The following PPP3CA variants were observed in gnomAD, a reference collection of about 807,000 sequenced individuals.
PPP3CA encodes the protein protein phosphatase 3 catalytic subunit alpha, also known as CAM-PRP catalytic subunit.
A neutral mutation model predicts 66.5 loss-of-function variants in PPP3CA; 14 were observed. The observed-to-expected ratio is 0.21, with a 90% CI of 0.14 to 0.33. PPP3CA has a LOEUF of 0.33. PPP3CA is among the 10% of genes least tolerant of loss of function. The probability of loss-of-function intolerance (pLI) is 1.00; values close to 1 mark genes in which losing one functional copy is unlikely to be tolerated. For missense variants in PPP3CA, 317 were observed against 639.5 expected (o/e 0.50, Z 5.44); for synonymous variants, 232 against 226.2 (o/e 1.03, Z -0.23).
chr4:101,316,183 A>T (rs1024942340), intron 1 of PPP3CA, among the ~76,000 whole-genome samples: 2 of 151,698 alleles, frequency 1.3e-5, no homozygotes, highest in Non-Finnish European at 2.9e-5. Flanking sequence ...TTGAGCTAAA[A>T]ATCAGAGTTG....
chr4:101,080,514 G>C lies in PPP3CA; in HGVS notation c.955+18C>G, dbSNP rs370681817. 2 of 1,293,398 alleles carry C rather than the reference G, an allele frequency of 1.5e-6. No individual in the cohort carries two copies. Among genetic ancestry groups the C allele is most frequent in the Non-Finnish European group, 2.1e-6 (2 of 941,134 alleles). The allele number at this position is 1,293,398 out of a possible 1,614,324, so 80.1% of individuals were successfully genotyped here. ...CACATATTATGTAAGACTGCAAGAG[G>C]TATTTAAAAACACTTACCTTTGTTA... On this transcript the variant is annotated intron_variant, in intron 8 of 13. Transcript: ENST00000394854.
At chr4:101,336,528 G>A (rs560023612) in intron 1 of PPP3CA, among the ~76,000 whole-genome samples, 6 of 147,460 alleles carry the variant, frequency 4.1e-5, no homozygotes, top group East Asian at 2.1e-4. Flanking sequence ...AGCCAAGATC[G>A]TGCCACTGCA....
chr4:101,122,518 C>T (rs985704012), intron 2 of PPP3CA, among the ~76,000 whole-genome samples: 1 of 152,076 alleles, frequency 6.6e-6, no homozygotes, highest in Non-Finnish European at 1.5e-5. Flanking sequence ...GTAATTCTTA[C>T]AGGAAATCAG....
chr4:101,112,953 A>T (rs565262685), intron 2 of PPP3CA, among the ~76,000 whole-genome samples: 2 of 152,078 alleles, frequency 1.3e-5, no homozygotes, highest in Non-Finnish European at 2.9e-5. Context: ...GGATTATTCT[A>T]TTGGGCCTAC....
chr4:101,303,486 A>G (rs918032711), intron 1 of PPP3CA, among the ~76,000 whole-genome samples: 2 of 152,194 alleles, frequency 1.3e-5, no homozygotes, highest in South Asian at 2.1e-4. Flanking sequence ...AATATCATGT[A>G]CATTTTCCCA....
At chr4:101,139,034 T>C (rs1233139253) in intron 2 of PPP3CA, among the ~76,000 whole-genome samples, 1 of 152,174 alleles carries the variant, frequency 6.6e-6, no homozygotes, top group African/African-American at 2.4e-5. Context: ...CCAAGTATTT[T>C]AATTTATGTA....
At chr4:101,133,430 TCA>T (rs1722514104) in intron 2 of PPP3CA, among the ~76,000 whole-genome samples, 1 of 148,888 alleles carries the variant, frequency 6.7e-6, no homozygotes, top group Admixed American at 7.1e-5. Flanking sequence ...TGTGCAAAAA[TCA>T]CATGTTTTCC....
intron 12 of PPP3CA, among the ~76,000 whole-genome samples, chr4:101,030,569 A>G (rs1380523058): frequency 1.3e-5 from 2 of 152,148 alleles, no homozygotes; most frequent in African/African-American, 4.8e-5. Context: ...GAACCATAGA[A>G]AAACACAAAC....
intron 6 of PPP3CA, among the ~76,000 whole-genome samples, chr4:101,091,821 CTAATAATAATAATAATAATAATAATAA>C (rs34522517): frequency 1.4e-5 from 2 of 138,830 alleles, no homozygotes; most frequent in Non-Finnish European, 3.1e-5. Flanking sequence ...TCTTCAGTAT[CTAATAATAATAATAATAATAATAATAA>C]TAATAATAAT....
chr4:101,264,253 TTTTTA>T (rs1357102615), intron 1 of PPP3CA, among the ~76,000 whole-genome samples: 2 of 152,202 alleles, frequency 1.3e-5, no homozygotes, highest in African/African-American at 4.8e-5. Context: ...CTGTCCTTCC[TTTTTA>T]TTTATTTTTT....
chr4:101,254,912 T>C (rs1174114834), intron 1 of PPP3CA, among the ~76,000 whole-genome samples: 2 of 151,778 alleles, frequency 1.3e-5, no homozygotes, highest in Non-Finnish European at 2.9e-5. Context: ...TTAATCTTTT[T>C]ATTTTCCACC....
intron 2 of PPP3CA, among the ~76,000 whole-genome samples, chr4:101,144,682 C>A (rs1366911533): frequency 2.0e-5 from 3 of 152,178 alleles, no homozygotes; most frequent in African/African-American, 2.4e-5. Flanking sequence ...CATTTATTAA[C>A]CCTGTGACTC....
intron 8 of PPP3CA, among the ~76,000 whole-genome samples, chr4:101,065,330 T>G (rs1728636374): frequency 6.6e-6 from 1 of 152,114 alleles, no homozygotes; most frequent in Non-Finnish European, 1.5e-5. Context: ...CAGAAATGCA[T>G]CCTCATATCT....
At chr4:101,343,837 A>G (rs1216738615) in intron 1 of PPP3CA, among the ~76,000 whole-genome samples, 1 of 152,182 alleles carries the variant, frequency 6.6e-6, no homozygotes, top group Admixed American at 6.5e-5. Context: ...CTGCATTCTA[A>G]AAGTACAATT....
At chr4:101,130,000 T>A (rs908744234) in intron 2 of PPP3CA, among the ~76,000 whole-genome samples, 1 of 151,924 alleles carries the variant, frequency 6.6e-6, no homozygotes, top group African/African-American at 2.4e-5. Context: ...CTAAGAACAT[T>A]GATACAAGGT....
intron 2 of PPP3CA, among the ~76,000 whole-genome samples, chr4:101,113,574 A>G (rs1721746538): frequency 6.6e-6 from 1 of 152,092 alleles, no homozygotes; most frequent in African/African-American, 2.4e-5. Context: ...TGGGTATTTC[A>G]TTGTATTTAT....
chr4:101,087,107 G>T (rs1729706752), intron 6 of PPP3CA, among the ~76,000 whole-genome samples: 2 of 152,164 alleles, frequency 1.3e-5, no homozygotes, highest in African/African-American at 4.8e-5. Flanking sequence ...GCTTCTTGGG[G>T]CCTGGGAATG....
intron 2 of PPP3CA, among the ~76,000 whole-genome samples, chr4:101,114,301 T>C (rs142962433): frequency 2.5e-3 from 381 of 152,238 alleles, no homozygotes; most frequent in Non-Finnish European, 4.2e-3. Flanking sequence ...ATTAAATATA[T>C]TGAAATAAAA....
intron 1 of PPP3CA, among the ~76,000 whole-genome samples, chr4:101,343,627 T>C (rs1261382100): frequency 1.3e-5 from 2 of 152,198 alleles, no homozygotes; most frequent in Admixed American, 6.5e-5. Context: ...AGAGTCAAAA[T>C]GATACAGCAC....
Sources: gnomAD v4.1 joint callset for allele counts (sites outside exome capture counted in the v4.1 genomes callset) on GRCh38, gnomAD v4.1.1 for gene constraint, MANE v1.5 for transcripts, NCBI Gene and HGNC (gene_info 2026-07-23, HGNC 2026-07-21) for gene names.